The following INSL6 variants were observed in gnomAD, a reference collection of about 807,000 sequenced individuals.
The protein encoded by INSL6 is insulin like 6, also known as insulin-like peptide INSL6.
INSL6 carries 16 observed loss-of-function variants against 9.4 expected under a neutral mutation model. The observed-to-expected ratio is 1.70, with a 90% CI of 1.15 to 2.59. The LOEUF (loss-of-function observed/expected upper bound fraction) is 2.59. Among genes scored for constraint, INSL6 ranks in the 30% most tolerant of loss-of-function variants. The pLI, the probability that INSL6 is intolerant of heterozygous loss-of-function variation, is 0.00. For missense variants in INSL6, 391 were observed against 257.3 expected (o/e 1.52, Z -3.56); for synonymous variants, 154 against 96.9 (o/e 1.59, Z -3.46).
At chr9:5,043,287 T>C in the INSL6 span, among the ~76,000 whole-genome samples, 25 of 152,150 alleles carry the variant, frequency 1.6e-4, no homozygotes, top group Middle Eastern at 3.4e-3. Flanking sequence ...TGATGCTCTT[T>C]TGAAGCCATA....
the INSL6 span, among the ~76,000 whole-genome samples, chr9:5,073,170 A>T: frequency 2.3e-4 from 35 of 152,224 alleles, no homozygotes; most frequent in Non-Finnish European, 1.8e-4. Context: ...GAGTTGTTCT[A>T]ATCCAGAATA....
chr9:5,060,398 T>C, the INSL6 span, among the ~76,000 whole-genome samples: 2 of 152,218 alleles, frequency 1.3e-5, no homozygotes, highest in Non-Finnish European at 2.9e-5. Context: ...AGAATTTCTT[T>C]AGAAATGAGT....
the INSL6 span, chr9:5,054,847 G>A: frequency 1.2e-6 from 2 of 1,609,618 alleles, no homozygotes. The surrounding 1 kb of genome is among the most constrained non-coding windows in gnomAD (Gnocchi z 4.9). Context: ...CAGTGGTCAA[G>A]AGGGAAACAT....
chr9:5,009,711 G>A, the INSL6 span, among the ~76,000 whole-genome samples: 2 of 151,788 alleles, frequency 1.3e-5, no homozygotes, highest in African/African-American at 4.8e-5. Context: ...TTTTATGTGT[G>A]TGCAGACAAC....
the INSL6 span, among the ~76,000 whole-genome samples, chr9:5,072,262 G>A: frequency 1.3e-5 from 2 of 152,094 alleles, no homozygotes; most frequent in Admixed American, 6.6e-5. Context: ...TTTCAAAACC[G>A]AGTAGAGCCA....
At chr9:5,171,262 A>G (rs1009882646) in intron 1 of INSL6, among the ~76,000 whole-genome samples, 1 of 152,236 alleles carries the variant, frequency 6.6e-6, no homozygotes, top group African/African-American at 2.4e-5. Flanking sequence ...ATAGATGCAG[A>G]AAAGATCTTC....
the INSL6 span, among the ~76,000 whole-genome samples, chr9:5,101,550 G>C: frequency 1.3e-5 from 2 of 152,240 alleles, no homozygotes; most frequent in Non-Finnish European, 2.9e-5. Flanking sequence ...TGGTGTTTGA[G>C]CTCTGACAAT....
At chr9:5,139,127 C>A (rs1477010133) in intron 2 of INSL6, among the ~76,000 whole-genome samples, 10 of 152,086 alleles carry the variant, frequency 6.6e-5, no homozygotes, top group Non-Finnish European at 1.3e-4. Flanking sequence ...AAGGTCATAT[C>A]TTTGCTATGA....
chr9:5,056,720 C>G, the INSL6 span, among the ~76,000 whole-genome samples: 1 of 152,108 alleles, frequency 6.6e-6, no homozygotes, highest in Non-Finnish European at 1.5e-5. Context: ...GGATGATTAA[C>G]AATTATCAAC....
rs142814775 is a variant in INSL6, at chr9:5,169,910, T to C, written c.290-5645A>G. On this transcript the variant is annotated intron_variant, in intron 1 of 1. Coordinates refer to ENST00000381641, the MANE Select transcript of INSL6 (RefSeq NM_007179.3). ...GAAGAGACTTAAGACTCCCACACAA[T>C]AATAGTGGGAGACTTTAACACTCCA... Among the ~76,000 whole-genome samples, 1,152 of 152,200 alleles carry C rather than the reference T, an allele frequency of 7.6e-3. 9 individuals are homozygous for C. The highest frequency in any genetic ancestry group is 0.024 in the African/African-American group (1,002 of 41,530).
At chr9:5,081,758 C>G in the INSL6 span, 1 of 1,600,312 alleles carries the variant, frequency 6.2e-7, no homozygotes, top group Admixed American at 1.7e-5. Context: ...GACATGTTAC[C>G]AAATATGAGG....
the INSL6 span, chr9:5,077,661 AAAAT>A: frequency 3.3e-6 from 3 of 899,330 alleles, no homozygotes; most frequent in Non-Finnish European, 4.7e-6. Flanking sequence ...CTGGAAACAA[AAAAT>A]AAATCTGTAA....
chr9:4,994,132 G>C, the INSL6 span, among the ~76,000 whole-genome samples: 1 of 152,146 alleles, frequency 6.6e-6, no homozygotes, highest in African/African-American at 2.4e-5. Flanking sequence ...ATTTATTTCA[G>C]TGTTTAATAA....
At chr9:5,133,062 A>G (rs1335230952) in intron 3 of INSL6, among the ~76,000 whole-genome samples, 1 of 152,204 alleles carries the variant, frequency 6.6e-6, no homozygotes, top group Non-Finnish European at 1.5e-5. Context: ...TTTTCAGCAG[A>G]GGTGTTATGC....
chr9:5,050,588 T>G, the INSL6 span: 9 of 1,258,476 alleles, frequency 7.2e-6, no homozygotes, highest in South Asian at 1.1e-4. Context: ...ATCTTGTAAA[T>G]GCATATGTTC....
the INSL6 span, among the ~76,000 whole-genome samples, chr9:5,018,032 T>G: frequency 6.6e-5 from 10 of 152,218 alleles, no homozygotes; most frequent in Non-Finnish European, 1.3e-4. Flanking sequence ...AGTTGGGTCA[T>G]GTTTTTTAGT....
chr9:5,081,771 A>C, the INSL6 span: 2 of 1,602,048 alleles, frequency 1.2e-6, no homozygotes, highest in East Asian at 4.5e-5. Flanking sequence ...ATATGAGGAT[A>C]GGTGCCCTGG....
In INSL6 at chr9:5,178,166, C is replaced by T. The variant is rs575584246; in HGVS notation, c.289+7148G>A. Reference sequence around the variant, plus strand: ...CCAGGATTCCAGGCATGAGCCACCACGCTCAGACTGCTGCTTTAAGTGGGA... The same window carrying T: ...CCAGGATTCCAGGCATGAGCCACCATGCTCAGACTGCTGCTTTAAGTGGGA... On this transcript the variant is annotated intron_variant, in intron 1 of 1. Transcript: ENST00000381641. Among the ~76,000 whole-genome samples, 71 of 152,338 alleles carry T rather than the reference C, an allele frequency of 4.7e-4. No homozygotes were observed. The South Asian group carries it at 7.3e-3, about 16-fold the overall frequency.
downstream of INSL6, among the ~76,000 whole-genome samples, chr9:5,121,201 T>C (rs187687161): frequency 3.3e-5 from 5 of 152,218 alleles, no homozygotes; most frequent in Admixed American, 2.0e-4. Flanking sequence ...AATTTTATGA[T>C]TGAGTAAGCA....
Sources: allele counts gnomAD v4.1 joint callset (sites outside exome capture counted in the v4.1 genomes callset), GRCh38; gene constraint gnomAD v4.1.1; non-coding constraint Gnocchi (gnomAD v3.1); transcripts MANE v1.5; gene names NCBI Gene and HGNC (gene_info 2026-07-23, HGNC 2026-07-21).